Variants in RIMS2 observed in about 807,000 individuals in gnomAD.
The protein encoded by RIMS2 is regulating synaptic membrane exocytosis 2, also known as regulating synaptic membrane exocytosis protein 2.
Under a neutral mutation model 174.4 loss-of-function variants are expected in RIMS2, and 59 were observed. The ratio of observed to expected loss-of-function variants is 0.34; its 90% confidence interval spans 0.27 to 0.42. The LOEUF (loss-of-function observed/expected upper bound fraction) is 0.42. Among genes scored for constraint, RIMS2 ranks in the 10% least tolerant of loss-of-function variants. RIMS2 has a pLI of 1.00. For missense variants in RIMS2, 1,620 were observed against 1,666.3 expected (o/e 0.97, Z 0.48); for synonymous variants, 606 against 572.5 (o/e 1.06, Z -0.84).
intron 19 of RIMS2, among the ~76,000 whole-genome samples, chr8:104,042,891 A>G (rs977625259): frequency 3.2e-4 from 49 of 151,596 alleles, no homozygotes; most frequent in African/African-American, 1.1e-3. Flanking sequence ...ATGAAGAGTA[A>G]TAAGAGAGAC....
At chr8:103,654,393 G>T (rs939664498) in intron 1 of RIMS2, among the ~76,000 whole-genome samples, 1 of 151,918 alleles carries the variant, frequency 6.6e-6, no homozygotes, top group Non-Finnish European at 1.5e-5. Flanking sequence ...GAAGATGGTA[G>T]AAAAAATTAG....
At position 103,696,994 on chromosome 8, in the gene RIMS2, T is replaced by C. The variant is rs140639002; in HGVS notation, c.177-92T>C. ...CTTTTTATTCTCATCTTGTATTTTT[T>C]TGGTTATAAAACTGTGTCTATAAAT... On this transcript the variant is annotated intron_variant, in intron 1 of 23. Coordinates refer to ENST00000504942, the Ensembl canonical transcript of RIMS2. 1.2e-4 allele frequency: 82 copies of C among 710,892 alleles called. 1 individual carries two copies. In the African/African-American group the frequency reaches 1.3e-3, roughly 12 times the overall value. The allele number at this position is 710,892 out of a possible 1,614,324, so 44.0% of individuals were successfully genotyped here.
rs2083371550 is a variant in RIMS2 at position 103,944,927 on chromosome 8, T to C, written c.2701+2001T>C. 7.2e-5 allele frequency among the ~76,000 whole-genome samples: 11 copies of C among 152,066 alleles called. No individual in the cohort carries two copies. In the South Asian group the frequency reaches 2.3e-3, roughly 31 times the overall value. On this transcript the variant is annotated intron_variant, in intron 14 of 23. Coordinates refer to ENST00000504942, the Ensembl canonical transcript of RIMS2. ...AGAAAGCTAAAAACAACATTACCTT[T>C]GGCTAATTAGGCTAATAGGATGTAT... is the stretch of plus-strand genomic sequence containing the variant.
chr8:104,000,449 C>T (rs2095335049), intron 17 of RIMS2, among the ~76,000 whole-genome samples: 1 of 151,766 alleles, frequency 6.6e-6, no homozygotes, highest in Non-Finnish European at 1.5e-5. Flanking sequence ...TTTATTTATG[C>T]ATTCATTTGT....
intron 19 of RIMS2, among the ~76,000 whole-genome samples, chr8:104,059,623 A>T (rs2096940201): frequency 7.1e-6 from 1 of 141,596 alleles, no homozygotes; most frequent in Admixed American, 7.2e-5. Flanking sequence ...AGGAGTGGTG[A>T]GAGAGGGCAT....
chr8:103,986,898 T>C (rs946948042), intron 16 of RIMS2, among the ~76,000 whole-genome samples: 43 of 144,842 alleles, frequency 3.0e-4, no homozygotes, highest in African/African-American at 1.0e-3. Flanking sequence ...TAAAATAAAA[T>C]TAAAAAAAAA....
chr8:104,072,565 A>G (rs2097213533), intron 19 of RIMS2, among the ~76,000 whole-genome samples: 1 of 152,164 alleles, frequency 6.6e-6, no homozygotes, highest in African/African-American at 2.4e-5. Flanking sequence ...CCTCAGACAT[A>G]TGAAGCATAT....
At chr8:103,711,398 T>C (rs2097301716) in intron 2 of RIMS2, among the ~76,000 whole-genome samples, 2 of 152,182 alleles carry the variant, frequency 1.3e-5, no homozygotes, top group African/African-American at 2.4e-5. Context: ...CTATTGTTTT[T>C]AGAATTAGAA....
At position 104,095,858 on chromosome 8, in the gene RIMS2, A is replaced by T. The variant is rs142906945; in HGVS notation, c.3334+81243A>T. On this transcript the variant is annotated intron_variant, in intron 19 of 23. Transcript: ENST00000504942. ...CAGTGAGACAGATATTCGGGATAGA[A>T]CTCTACCCATTGAGTATACAATTCA... Among the ~76,000 whole-genome samples the T allele has an allele frequency of 8.0e-3, 1,211 of 152,002 alleles. 6 individuals are homozygous for T. Among genetic ancestry groups the T allele is most frequent in the Middle Eastern group, 0.037 (11 of 294 alleles).
At chr8:103,718,985 A>G (rs2097410405) in intron 2 of RIMS2, among the ~76,000 whole-genome samples, 1 of 151,970 alleles carries the variant, frequency 6.6e-6, no homozygotes, top group Non-Finnish European at 1.5e-5. Context: ...CCCTCTTGCA[A>G]TCCCCACTAG....
At chr8:103,598,943 A>G (rs1409566411) in intron 1 of RIMS2, among the ~76,000 whole-genome samples, 6 of 151,824 alleles carry the variant, frequency 4.0e-5, no homozygotes, top group Admixed American at 3.9e-4. Flanking sequence ...GTTACCATTG[A>G]TGTATCTGTT....
At chr8:103,996,795 C>T (rs545251776) in intron 17 of RIMS2, among the ~76,000 whole-genome samples, 1 of 151,896 alleles carries the variant, frequency 6.6e-6, no homozygotes, top group South Asian at 2.1e-4. Flanking sequence ...GTAGAACCTA[C>T]CTCAAAGAGT....
intron 19 of RIMS2, among the ~76,000 whole-genome samples, chr8:104,159,615 A>G (rs557970091): frequency 6.6e-6 from 1 of 152,228 alleles, no homozygotes; most frequent in Admixed American, 6.5e-5. Flanking sequence ...GATAATAGCC[A>G]TTCTAATGAG....
intron 22 of RIMS2, among the ~76,000 whole-genome samples, chr8:104,250,190 G>A (rs902482490): frequency 8.5e-5 from 13 of 152,220 alleles, no homozygotes; most frequent in South Asian, 4.1e-4. Flanking sequence ...TGTAGAGATC[G>A]TTTGATAAGA....
At chr8:103,805,068 A>G (rs1478115779) in intron 3 of RIMS2, among the ~76,000 whole-genome samples, 2 of 152,150 alleles carry the variant, frequency 1.3e-5, no homozygotes, top group Non-Finnish European at 2.9e-5. Flanking sequence ...CGCTGGCATT[A>G]CAGGATGAAC....
At chr8:103,737,476 T>C (rs1471762643) in intron 2 of RIMS2, among the ~76,000 whole-genome samples, 1 of 152,092 alleles carries the variant, frequency 6.6e-6, no homozygotes, top group African/African-American at 2.4e-5. Context: ...AGTGAACCAC[T>C]GTGCCCAGCC....
rs140254050 is a variant in RIMS2, at chr8:103,598,682, A to G, written c.176+97620A>G. 1.3e-3 allele frequency among the ~76,000 whole-genome samples: 204 copies of G among 152,254 alleles called. 1 individual carries two copies. Among genetic ancestry groups the G allele is most frequent in the African/African-American group, 4.6e-3 (191 of 41,560 alleles). ...TTGGGGAGTGTTCTTTGACATGATGATATAATGGTTTTCAGTGGCAAGTCT... is the reference window on the plus strand; with the variant it reads ...TTGGGGAGTGTTCTTTGACATGATGGTATAATGGTTTTCAGTGGCAAGTCT... On this transcript the variant is annotated intron_variant, in intron 1 of 23. Transcript: ENST00000504942.
chr8:104,143,603 A>G (rs1015878350), intron 19 of RIMS2, among the ~76,000 whole-genome samples: 1 of 152,208 alleles, frequency 6.6e-6, no homozygotes, highest in Non-Finnish European at 1.5e-5. Flanking sequence ...GACCAGTCCT[A>G]CTGGGTTTGT....
At chr8:104,009,333 A>G (rs1309501812) in intron 17 of RIMS2, among the ~76,000 whole-genome samples, 1 of 151,608 alleles carries the variant, frequency 6.6e-6, no homozygotes, top group Non-Finnish European at 1.5e-5. Flanking sequence ...TCACTCTGTC[A>G]CCCAGACTGG....
Sources: allele counts gnomAD v4.1 joint callset (sites outside exome capture counted in the v4.1 genomes callset), GRCh38; gene constraint gnomAD v4.1.1; transcripts MANE v1.5; gene names NCBI Gene and HGNC (gene_info 2026-07-23, HGNC 2026-07-21).